Variants in AUH observed in about 807,000 individuals in gnomAD.
AUH encodes methylglutaconyl-CoA hydratase, mitochondrial.
Under a neutral mutation model 42.3 loss-of-function variants are expected in AUH, and 29 were observed. That is an observed-to-expected ratio of 0.69 (90% CI 0.51 to 0.93). The LOEUF is 0.93. AUH is among the 40% of genes least tolerant of loss of function. The probability of loss-of-function intolerance (pLI) is 0.00; values close to 1 mark genes in which losing one functional copy is unlikely to be tolerated. For synonymous variants in AUH, 174 were observed against 166.4 expected (o/e 1.05, Z -0.35); for missense variants, 452 against 438.1 (o/e 1.03, Z -0.28).
At chr9:91,349,088 A>G (rs1442068321) in intron 3 of AUH, among the ~76,000 whole-genome samples, 1 of 152,242 alleles carries the variant, frequency 6.6e-6, no homozygotes, top group Admixed American at 6.5e-5. Flanking sequence ...TAAGATTCTG[A>G]AACAACAACG....
chr9:91,341,693 C>A (rs1831113990), intron 3 of AUH, among the ~76,000 whole-genome samples: 1 of 152,210 alleles, frequency 6.6e-6, no homozygotes. Context: ...ATGGGCCAGG[C>A]ACTGTTCTGG....
rs368406187 is a variant in AUH at position 91,332,776 on chromosome 9, C to T, written c.419-7372G>A. 2.1e-4 allele frequency among the ~76,000 whole-genome samples: 32 copies of T among 152,230 alleles called. No homozygotes were observed. The East Asian group carries it at 3.7e-3, about 17-fold the overall frequency. On this transcript the variant is annotated intron_variant, in intron 3 of 9. Coordinates refer to ENST00000375731, the MANE Select transcript of AUH (RefSeq NM_001698.3). ...CATGAATATTATAAAAGGAGAAATGCGTGCGCACAATTGAGCTTCATGCAC... is the reference window on the plus strand; with the variant it reads ...CATGAATATTATAAAAGGAGAAATGTGTGCGCACAATTGAGCTTCATGCAC...
In AUH at chr9:91,217,311, C is replaced by G. The variant is rs1826877739; in HGVS notation, c.860G>C (p.Arg287Thr). Residue 287 changes from arginine (R) to threonine (T), a missense_variant, in exon 8 of 10, where the codon AGA (arginine) becomes ACA (threonine). Transcript: ENST00000375731. ...TTGATTAATTGCTAATTTTGCCACT[C>G]TCATTGCAACAGGTCCCTAAAATTC... The part of the protein sequence containing the change: ...EFLPQGPVAM[R>T]VAKLAINQGM... 1 of 1,613,740 alleles carries G rather than the reference C, an allele frequency of 6.2e-7. No individual in the cohort carries two copies. The highest frequency in any genetic ancestry group is 1.3e-5 in the African/African-American group (1 of 74,942).
intron 6 of AUH, among the ~76,000 whole-genome samples, chr9:91,246,287 C>T (rs144733540): frequency 9.5e-4 from 145 of 152,280 alleles, no homozygotes; most frequent in African/African-American, 3.2e-3. Context: ...CAAAAAACCA[C>T]GTGGAAGATT....
In AUH at chr9:91,325,342, T is replaced by A; in HGVS notation, c.481A>T (p.Ile161Leu). 6.2e-7 allele frequency: 1 copy of A among 1,613,854 alleles called. No homozygotes were observed. The highest frequency in any genetic ancestry group is 8.5e-7 in the Non-Finnish European group (1 of 1,179,820). The change falls in exon 4 of 10, where the codon ATA becomes TTA. Residue 161 changes from isoleucine (I) to leucine (L), a missense_variant. Coordinates refer to ENST00000375731, the MANE Select transcript of AUH (RefSeq NM_001698.3). ...CCAATATCGTTAATCACTGCTCTTA[T>A]TTTGGAGACAAAAGGACCAACTTCA... ...SSEVGPFVSK[I>L]RAVINDIANL...
At chr9:91,323,453 T>C (rs1829738526) in intron 4 of AUH, among the ~76,000 whole-genome samples, 1 of 151,990 alleles carries the variant, frequency 6.6e-6, no homozygotes, top group South Asian at 2.1e-4. Flanking sequence ...TGAAACCCCA[T>C]CTCTACTAAA....
chr9:91,346,298 T>A (rs1436827211), intron 3 of AUH, among the ~76,000 whole-genome samples: 1 of 152,130 alleles, frequency 6.6e-6, no homozygotes, highest in Admixed American at 6.5e-5. Flanking sequence ...CGCCAATGGC[T>A]AATGATGTAA....
chr9:91,226,139 A>G (rs1827458389), intron 6 of AUH, among the ~76,000 whole-genome samples: 1 of 150,062 alleles, frequency 6.7e-6, no homozygotes, highest in African/African-American at 2.5e-5. Context: ...GACTTCCACA[A>G]TGGTTGAACT....
intron 3 of AUH, among the ~76,000 whole-genome samples, chr9:91,339,905 C>T (rs760823260): frequency 2.6e-5 from 4 of 152,170 alleles, no homozygotes; most frequent in Non-Finnish European, 5.9e-5. Context: ...TGTGGTCTTG[C>T]TGATCGAGAT....
At chr9:91,336,126 A>T (rs1830668068) in intron 3 of AUH, among the ~76,000 whole-genome samples, 1 of 152,222 alleles carries the variant, frequency 6.6e-6, no homozygotes, top group South Asian at 2.1e-4. Context: ...ATAGTGAAAA[A>T]ACAACTTTAT....
chr9:91,252,743 C>T (rs554238909), intron 6 of AUH, among the ~76,000 whole-genome samples: 2 of 152,212 alleles, frequency 1.3e-5, no homozygotes, highest in Non-Finnish European at 2.9e-5. Flanking sequence ...ATTTTGACTA[C>T]ATTAGAATAA....
Position 91,361,867 on chromosome 9 carries a change from G to A in AUH, c.23C>T (p.Ala8Val), listed in dbSNP as rs868197872. 64 of 1,471,822 alleles carry A rather than the reference G, an allele frequency of 4.3e-5. No individual in the cohort carries two copies. Among genetic ancestry groups the A allele is most frequent in the African/African-American group, 5.9e-5 (4 of 68,076 alleles). The allele number at this position is 1,471,822 out of a possible 1,614,324, so 91.2% of individuals were successfully genotyped here. MAAAVAAAPGALGSLHAG... is the reference protein window; with the variant it reads MAAAVAAVPGALGSLHAG... ...ATGCAGGGATCCCAAGGCCCCAGGT[G>A]CCGCCGCCACCGCGGCCGCCATGTT... The change falls in exon 1 of 10, where the codon GCA becomes GTA. Residue 8 changes from alanine (A) to valine (V), a missense_variant. Coordinates refer to ENST00000375731, the MANE Select transcript of AUH (RefSeq NM_001698.3).
At chr9:91,254,221 T>C (rs777785595) in intron 6 of AUH, among the ~76,000 whole-genome samples, 2 of 152,184 alleles carry the variant, frequency 1.3e-5, no homozygotes, top group African/African-American at 2.4e-5. Flanking sequence ...ATTTCCCAGA[T>C]TTTATAACTT....
chr9:91,279,719 C>T (rs1825818740), intron 6 of AUH, among the ~76,000 whole-genome samples: 1 of 152,158 alleles, frequency 6.6e-6, no homozygotes, highest in African/African-American at 2.4e-5. Flanking sequence ...CCCACCAGGC[C>T]CCTCCTCCAA....
At chr9:91,227,662 C>G (rs879306912) in intron 6 of AUH, among the ~76,000 whole-genome samples, 10,392 of 142,262 alleles carry the variant, frequency 0.073, 505 homozygotes, top group Admixed American at 0.11. Flanking sequence ...CAGTTTTTGC[C>G]CATTCAGTAT....
intron 6 of AUH, among the ~76,000 whole-genome samples, chr9:91,265,608 C>A (rs1829933130): frequency 6.6e-6 from 1 of 152,260 alleles, no homozygotes; most frequent in South Asian, 2.1e-4. Context: ...ATTCTGAACT[C>A]TATTTGCCCC....
intron 6 of AUH, among the ~76,000 whole-genome samples, chr9:91,288,042 C>T (rs1347823161): frequency 6.6e-6 from 1 of 151,886 alleles, no homozygotes. Context: ...GAATATGCCT[C>T]CCCCCAGAAG....
Position 91,220,847 on chromosome 9 carries a change from G to A in AUH, c.801C>T (p.Ala267=). ...TCGCCAGGTCCAAGGCCTTCCTGTA[G>A]GCCGCGTCTCCCTCCTGGTTCTGTT... ...VLEQNQEGDA[A]YRKALDLARE... The change falls in exon 7 of 10, where the codon GCC becomes GCT. Residue 267 remains alanine, a synonymous_variant. Coordinates refer to ENST00000375731, the MANE Select transcript of AUH (RefSeq NM_001698.3). 6.2e-7 allele frequency: 1 copy of A among 1,614,230 alleles called. No individual in the cohort carries two copies. Among genetic ancestry groups the A allele is most frequent in the Non-Finnish European group, 8.5e-7 (1 of 1,180,046 alleles).
intron 4 of AUH, among the ~76,000 whole-genome samples, chr9:91,316,596 T>C (rs550663855): frequency 1.1e-4 from 17 of 152,216 alleles, no homozygotes; most frequent in Non-Finnish European, 2.5e-4. Flanking sequence ...TAAAATGGCA[T>C]CCCACTGTGG....
Sources: gnomAD v4.1 joint callset for allele counts (sites outside exome capture counted in the v4.1 genomes callset) on GRCh38, gnomAD v4.1.1 for gene constraint, MANE v1.5 for transcripts, NCBI Gene and HGNC (gene_info 2026-07-23, HGNC 2026-07-21) for gene names.